The following NBEA variants were observed in gnomAD, a reference collection of about 807,000 sequenced individuals.
NBEA encodes the protein neurobeachin.
A neutral mutation model predicts 343.4 loss-of-function variants in NBEA; 44 were observed. The observed-to-expected ratio is 0.13, with a 90% CI of 0.10 to 0.16. The LOEUF is 0.16. Ranked by LOEUF, NBEA falls within the 10% of genes least tolerant of loss-of-function variation. The pLI is 1.00. For missense variants in NBEA, 2,555 were observed against 3,631.3 expected (o/e 0.70, Z 7.62); for synonymous variants, 1,175 against 1,238.7 (o/e 0.95, Z 1.08).
chr13:35,554,520 C>T lies in NBEA; in HGVS notation c.6807-467C>T, dbSNP rs554797238. ...CACCATTGCAGGGATAGATATTGTA[C>T]GGGCAGAGGCTGTGCATGTGTACAC... On this transcript the variant is annotated intron_variant, in intron 43 of 58. Coordinates refer to ENST00000379939, the MANE Select transcript of NBEA (RefSeq NM_001385012.1). 7.2e-5 allele frequency among the ~76,000 whole-genome samples: 11 copies of T among 152,246 alleles called. No homozygotes were observed. The South Asian group carries it at 1.0e-3, about 14-fold the overall frequency.
chr13:35,599,587 T>TA (rs1242211137), intron 47 of NBEA, among the ~76,000 whole-genome samples: 1 of 152,208 alleles, frequency 6.6e-6, no homozygotes, highest in African/African-American at 2.4e-5. Flanking sequence ...CTAAGAGGAC[T>TA]AAAACAAAAG....
intron 1 of NBEA, among the ~76,000 whole-genome samples, chr13:35,011,033 G>A (rs1226592273): frequency 5.3e-5 from 8 of 151,828 alleles, no homozygotes; most frequent in Non-Finnish European, 1.2e-4. Flanking sequence ...CAAAGGTCAG[G>A]AACGAGTCTT....
intron 46 of NBEA, among the ~76,000 whole-genome samples, chr13:35,586,032 T>C (rs1256037713): frequency 6.6e-6 from 1 of 152,212 alleles, no homozygotes; most frequent in Non-Finnish European, 1.5e-5. Flanking sequence ...CTGAGGAGTA[T>C]TGTAGAATGC....
chr13:35,009,574 T>TG (rs1341933470), intron 1 of NBEA, among the ~76,000 whole-genome samples: 2 of 152,260 alleles, frequency 1.3e-5, no homozygotes, highest in African/African-American at 4.8e-5. Context: ...CTCCTAGCTC[T>TG]GGGGGTTGGA....
At chr13:35,253,556 A>G (rs901196321) in intron 34 of NBEA, among the ~76,000 whole-genome samples, 1 of 152,212 alleles carries the variant, frequency 6.6e-6, no homozygotes, top group Admixed American at 6.5e-5. Context: ...GGATGCCTGT[A>G]TTTTTAAAAC....
chr13:35,018,475 A>G (rs745851105), intron 1 of NBEA, among the ~76,000 whole-genome samples: 30 of 152,030 alleles, frequency 2.0e-4, no homozygotes, highest in Admixed American at 6.6e-4. Context: ...TGTACTTACT[A>G]CTTTGTATCT....
At chr13:35,225,205 T>C (rs2074584794) in intron 33 of NBEA, among the ~76,000 whole-genome samples, 1 of 152,128 alleles carries the variant, frequency 6.6e-6, no homozygotes, top group Non-Finnish European at 1.5e-5. Context: ...TCCATTTTAG[T>C]CAAGTGCTGT....
chr13:35,327,739 A>C (rs942135124), intron 36 of NBEA, among the ~76,000 whole-genome samples: 7 of 151,964 alleles, frequency 4.6e-5, no homozygotes, highest in Non-Finnish European at 1.5e-5. Flanking sequence ...CAATATACCC[A>C]GGTAACGATC....
chr13:35,375,464 T>C (rs2041688815), intron 38 of NBEA, among the ~76,000 whole-genome samples: 1 of 152,160 alleles, frequency 6.6e-6, no homozygotes, highest in South Asian at 2.1e-4. Context: ...TCCTACTTAT[T>C]CAAAAAATAA....
At chr13:35,083,671 C>G (rs1485057953) in intron 10 of NBEA, among the ~76,000 whole-genome samples, 1 of 152,038 alleles carries the variant, frequency 6.6e-6, no homozygotes, top group African/African-American at 2.4e-5. Flanking sequence ...ATTGTAAAGA[C>G]CACCAAGGCT....
At chr13:35,529,600 A>G (rs1227229925) in intron 41 of NBEA, among the ~76,000 whole-genome samples, 2 of 152,230 alleles carry the variant, frequency 1.3e-5, no homozygotes, top group African/African-American at 2.4e-5. Context: ...AAAGACATGT[A>G]AATAGAACAG....
intron 41 of NBEA, among the ~76,000 whole-genome samples, chr13:35,525,525 C>T (rs2077928213): frequency 6.6e-6 from 1 of 151,946 alleles, no homozygotes; most frequent in Admixed American, 6.6e-5. Flanking sequence ...TGCACTCCAG[C>T]CTGCATGACA....
Position 35,109,357 on chromosome 13 carries a change from G to C in NBEA, c.1748G>C (p.Gly583Ala), listed in dbSNP as rs771625832. 1.5e-5 allele frequency: 24 copies of C among 1,612,164 alleles called. No homozygotes were observed. Among genetic ancestry groups the C allele is most frequent in the Non-Finnish European group, 2.0e-5 (23 of 1,179,046 alleles). The change falls in exon 12 of 59, where the codon GGT becomes GCT. Residue 583 changes from glycine to alanine, a missense_variant. Gly to Ala is a moderately conservative substitution (Grantham distance 60). Coordinates refer to ENST00000379939, the MANE Select transcript of NBEA (RefSeq NM_001385012.1). Reference sequence around the variant, plus strand: ...TTATCTTTTGCAAAATACCTTGATGGTTTATCTCATGGAGCACCTTTGCTG... The same window carrying C: ...TTATCTTTTGCAAAATACCTTGATGCTTTATCTCATGGAGCACCTTTGCTG... ...QFLSFAKYLD[G>A]LSHGAPLLKQ...
At chr13:35,476,808 C>A (rs2075892973) in intron 41 of NBEA, 1 of 1,028,822 alleles carries the variant, frequency 9.7e-7, no homozygotes, top group African/African-American at 1.7e-5. Flanking sequence ...AATTAATCCC[C>A]ACTCATGGAT....
intron 35 of NBEA, among the ~76,000 whole-genome samples, chr13:35,291,949 T>G (rs1357234731): frequency 6.6e-6 from 1 of 152,008 alleles, no homozygotes; most frequent in African/African-American, 2.4e-5. Flanking sequence ...TTAAGTTGAA[T>G]TTTTAAAATA....
chr13:35,499,936 G>C (rs2076822017), intron 41 of NBEA, among the ~76,000 whole-genome samples: 1 of 152,060 alleles, frequency 6.6e-6, no homozygotes, highest in African/African-American at 2.4e-5. Context: ...AATGGTTGTA[G>C]TCATTTTAAA....
chr13:35,352,196 GA>G lies in NBEA; in HGVS notation c.6056del (p.Lys2019ArgfsTer16). ...ATATGCTGCTGATAGAAGAGAGGAA[GA>G]AAAGATGTGTGACCATCTTATCAGT... ...AQYAADRREE[E>X]KMCDHLISAA... On this transcript the variant is annotated frameshift_variant, in exon 38 of 59. Transcript: ENST00000379939. LOFTEE classifies it high-confidence loss of function. The G allele has an allele frequency of 6.5e-7, 1 of 1,532,548 alleles. No homozygotes were observed. Among genetic ancestry groups the G allele is most frequent in the Non-Finnish European group, 8.8e-7 (1 of 1,134,208 alleles). 94.9% of individuals were successfully genotyped at this position (1,532,548 alleles called of 1,614,324 possible).
chr13:35,312,793 T>A (rs1430041683), intron 36 of NBEA, among the ~76,000 whole-genome samples: 1 of 152,168 alleles, frequency 6.6e-6, no homozygotes, highest in East Asian at 1.9e-4. Context: ...GATGTCAGCT[T>A]TAGTAACTAA....
chr13:35,243,162 A>G (rs993415027), intron 34 of NBEA, among the ~76,000 whole-genome samples: 5 of 151,906 alleles, frequency 3.3e-5, no homozygotes, highest in African/African-American at 1.2e-4. Context: ...CTGTAAAGGA[A>G]TAAAGTTTTT....
Sources: gnomAD v4.1 joint callset for allele counts (sites outside exome capture counted in the v4.1 genomes callset) on GRCh38, gnomAD v4.1.1 for gene constraint, MANE v1.5 for transcripts, NCBI Gene and HGNC (gene_info 2026-07-23, HGNC 2026-07-21) for gene names.